Variants in PTPRE observed in about 807,000 individuals in gnomAD.
The protein encoded by PTPRE is protein tyrosine phosphatase receptor type E, also known as receptor-type tyrosine-protein phosphatase epsilon.
Under a neutral mutation model 102.0 loss-of-function variants are expected in PTPRE, and 51 were observed. The ratio of observed to expected loss-of-function variants is 0.50; its 90% CI spans 0.40 to 0.63. PTPRE has a LOEUF of 0.63. PTPRE is among the 30% of genes least tolerant of loss of function. PTPRE has a pLI of 0.00. For missense variants in PTPRE, 752 were observed against 915.1 expected (o/e 0.82, Z 2.30); for synonymous variants, 345 against 348.2 (o/e 0.99, Z 0.10).
At position 127,944,465 on chromosome 10, in the gene PTPRE, C is replaced by CGG. The variant is rs1848474310; in HGVS notation, c.-31+37156_-31+37157insGG. ...ATGGACAGATGGATGGATACATGGACAGACGGATGGATGGATGGATGGATG... is the reference window on the plus strand; with the variant it reads ...ATGGACAGATGGATGGATACATGGACGGAGACGGATGGATGGATGGATGGATG... On this transcript the variant is annotated intron_variant, in intron 1 of 20. Transcript: ENST00000254667. The surrounding 1 kb of genome is among the most constrained non-coding windows in gnomAD (Gnocchi z 4.2). 8.1e-5 allele frequency among the ~76,000 whole-genome samples: 3 copies of CGG among 36,884 alleles called. No individual in the cohort carries two copies. Among genetic ancestry groups the CGG allele is most frequent in the Non-Finnish European group, 1.6e-4 (3 of 18,442 alleles). The allele number at this position is 36,884 out of a possible 152,430, so 24.2% of individuals were successfully genotyped here.
chr10:127,926,385 G>C (rs1410394157), intron 1 of PTPRE, among the ~76,000 whole-genome samples: 1 of 152,230 alleles, frequency 6.6e-6, no homozygotes, highest in Admixed American at 6.5e-5. Context: ...AGAATGGCAG[G>C]ATCTGAATGA....
chr10:128,081,861 G>C (rs1851734039), intron 20 of PTPRE, among the ~76,000 whole-genome samples: 1 of 152,190 alleles, frequency 6.6e-6, no homozygotes, highest in Admixed American at 6.5e-5. Context: ...ACTCAGGAAG[G>C]GCTAAGCTAG....
intron 2 of PTPRE, among the ~76,000 whole-genome samples, chr10:128,021,879 T>C (rs920990375): frequency 1.3e-4 from 20 of 152,258 alleles, no homozygotes; most frequent in African/African-American, 4.1e-4. Context: ...TCAGCTTCTT[T>C]GACTCTGATG....
intron 5 of PTPRE, 143 bp downstream of exon 5, chr10:128,047,980 C>T (rs1332761581): frequency 1.3e-6 from 1 of 797,222 alleles, no homozygotes; most frequent in Non-Finnish European, 1.9e-6. Flanking sequence ...TGGTATGATG[C>T]TGTCATTTAG....
chr10:127,922,575 C>T (rs1033571769), intron 1 of PTPRE, among the ~76,000 whole-genome samples: 2 of 152,232 alleles, frequency 1.3e-5, no homozygotes, highest in African/African-American at 4.8e-5. Flanking sequence ...TCCAAGTGGG[C>T]ACTTAGGACA....
chr10:127,956,561 T>C (rs1849417174), intron 1 of PTPRE, among the ~76,000 whole-genome samples: 1 of 152,242 alleles, frequency 6.6e-6, no homozygotes, highest in South Asian at 2.1e-4. Context: ...TGTGTGGACA[T>C]AAGTTTTCAC....
chr10:127,927,109 C>T (rs1413837184), intron 1 of PTPRE, among the ~76,000 whole-genome samples: 3 of 152,146 alleles, frequency 2.0e-5, no homozygotes, highest in Non-Finnish European at 4.4e-5. Flanking sequence ...TGCGCCAGGT[C>T]TCTCTTAATC....
intron 2 of PTPRE, chr10:127,998,148 G>A (rs772332087): frequency 6.6e-6 from 1 of 152,262 alleles, no homozygotes; most frequent in Non-Finnish European, 1.5e-5. Flanking sequence ...GTTGCAGTCA[G>A]TAGCGCTGGC....
At chr10:127,936,232 G>C (rs937903269) in intron 1 of PTPRE, 5 of 152,106 alleles carry the variant, frequency 3.3e-5, no homozygotes, top group Admixed American at 3.3e-4. Context: ...ACTTTAAAAA[G>C]ACAAAACCAC....
chr10:127,927,191 C>A (rs1589751348), intron 1 of PTPRE, among the ~76,000 whole-genome samples: 1 of 143,746 alleles, frequency 7.0e-6, no homozygotes, highest in African/African-American at 2.5e-5. Context: ...TGCCCCCCAC[C>A]CCCCCGGGGG....
At chr10:127,994,760 G>A (rs1003185786) in intron 2 of PTPRE, among the ~76,000 whole-genome samples, 3 of 152,182 alleles carry the variant, frequency 2.0e-5, no homozygotes, top group African/African-American at 7.2e-5. Flanking sequence ...CGCAGGGGCT[G>A]TTGGTCCTCC....
At chr10:127,979,461 G>T (rs554041972) in intron 1 of PTPRE, among the ~76,000 whole-genome samples, 1 of 152,194 alleles carries the variant, frequency 6.6e-6, no homozygotes, top group African/African-American at 2.4e-5. Flanking sequence ...ACTGATAGTT[G>T]TGGTTTCCTA....
At position 128,070,055 on chromosome 10, in the gene PTPRE, C is replaced by G. The variant is rs1399596797; in HGVS notation, c.1143+228C>G. On this transcript the variant is annotated intron_variant, in intron 13 of 20. Transcript: ENST00000254667. The surrounding 1 kb of genome is among the most constrained non-coding windows in gnomAD (Gnocchi z 4.8). ...TGTGAGATGGGGCAATCCTACTCCC[C>G]CAAACGGTGCATGTACACAGTGCGT... 5 of 705,742 alleles carry G rather than the reference C, an allele frequency of 7.1e-6. No homozygotes were observed. The highest frequency in any genetic ancestry group is 9.3e-6 in the Non-Finnish European group (4 of 430,234). 43.7% of individuals were successfully genotyped at this position (705,742 alleles called of 1,614,324 possible).
chr10:128,015,372 CTT>C (rs534909795), intron 2 of PTPRE, among the ~76,000 whole-genome samples: 4 of 146,370 alleles, frequency 2.7e-5, no homozygotes, highest in East Asian at 4.0e-4. Flanking sequence ...AGGAAGACCT[CTT>C]TTTTTTTTTT....
chr10:128,015,236 T>C (rs966199456), intron 2 of PTPRE, among the ~76,000 whole-genome samples: 14 of 152,190 alleles, frequency 9.2e-5, no homozygotes, highest in African/African-American at 2.9e-4. Flanking sequence ...CTGAAACAAC[T>C]CAAATGTGTA....
At chr10:127,987,846 T>A (rs1852226421) in intron 2 of PTPRE, among the ~76,000 whole-genome samples, 1 of 152,230 alleles carries the variant, frequency 6.6e-6, no homozygotes, top group Non-Finnish European at 1.5e-5. Context: ...TGAAGTGGCA[T>A]TTTAATTAAG....
intron 2 of PTPRE, among the ~76,000 whole-genome samples, chr10:128,013,219 G>A (rs1845156636): frequency 6.6e-6 from 1 of 152,210 alleles, no homozygotes; most frequent in South Asian, 2.1e-4. Flanking sequence ...TACTTCAAGT[G>A]TGTAGCCTTA....
intron 1 of PTPRE, among the ~76,000 whole-genome samples, chr10:127,959,304 T>TCATG (rs1390891157): frequency 6.6e-6 from 1 of 152,268 alleles, no homozygotes; most frequent in African/African-American, 2.4e-5. Context: ...CTTACCCAGT[T>TCATG]CATGCATTCA....
intron 2 of PTPRE, among the ~76,000 whole-genome samples, chr10:128,015,964 C>G (rs10829317): frequency 6.6e-6 from 1 of 151,992 alleles, no homozygotes; most frequent in African/African-American, 2.4e-5. Context: ...CTTTAGGACA[C>G]GAGCTGCGTG....
Sources: gnomAD v4.1 joint callset for allele counts (sites outside exome capture counted in the v4.1 genomes callset) on GRCh38, gnomAD v4.1.1 for gene constraint, Gnocchi (gnomAD v3.1) non-coding constraint, MANE v1.5 for transcripts, NCBI Gene and HGNC (gene_info 2026-07-23, HGNC 2026-07-21) for gene names.